Variants in ZNF783 observed in about 807,000 individuals in gnomAD.
ZNF783 encodes protein ZNF783.
In ZNF783, 25 loss-of-function variants were observed where a neutral mutation model predicts 31.3. The ratio of observed to expected loss-of-function variants is 0.80; its 90% CI spans 0.58 to 1.11. The LOEUF is 1.11. ZNF783 is among the 50% of genes most tolerant of loss of function. The pLI, the probability that ZNF783 is intolerant of heterozygous loss-of-function variation, is 0.00. For missense variants in ZNF783, 797 were observed against 760.0 expected (o/e 1.05, Z -0.57); for synonymous variants, 369 against 319.1 (o/e 1.16, Z -1.66).
In ZNF783 at chr7:149,282,935, C is replaced by T. The variant is rs1177991283; in HGVS notation, c.*592C>T. The T allele has an allele frequency of 6.6e-6, 1 of 150,404 alleles. No homozygotes were observed. The highest frequency in any genetic ancestry group is 1.9e-4 in the East Asian group (1 of 5,178). The allele number at this position is 150,404 out of a possible 1,614,324, so 9.3% of individuals were successfully genotyped here. A position where few individuals can be genotyped will look rare whatever the true frequency, so the allele number is the denominator to read the frequency against. On this transcript the variant is annotated 3_prime_UTR_variant, in exon 6 of 6. Coordinates refer to ENST00000434415, the MANE Select transcript of ZNF783 (RefSeq NM_001195220.2). The stretch of plus-strand genomic sequence containing the variant: ...CGCAGAGCTGAAAGGGGAGCTACGT[C>T]CACCAGCCTGTGGGTCTTTTGGTTT...
intron 1 of ZNF783, among the ~76,000 whole-genome samples, chr7:149,262,913 T>C (rs1366285331): frequency 6.6e-6 from 1 of 152,206 alleles, no homozygotes; most frequent in Non-Finnish European, 1.5e-5. Flanking sequence ...AAAAGATTAC[T>C]GTAGCAGATT....
intron 4 of ZNF783, among the ~76,000 whole-genome samples, chr7:149,276,019 A>G (rs972362723): frequency 6.6e-6 from 1 of 152,104 alleles, no homozygotes; most frequent in African/African-American, 2.4e-5. Context: ...CCCCCTGAGT[A>G]GCTGGAACTA....
At chr7:149,276,216 G>A (rs529878781) in intron 4 of ZNF783, 3 of 502,682 alleles carry the variant, frequency 6.0e-6, no homozygotes, top group East Asian at 1.5e-4. Context: ...AGTGGCTCAC[G>A]AACAGTCAGG....
chr7:149,283,573 G>T lies in ZNF783; in HGVS notation c.*1230G>T, dbSNP rs1200800282. The T allele has an allele frequency of 6.6e-6, 1 of 152,184 alleles. No individual in the cohort carries two copies. Among genetic ancestry groups the T allele is most frequent in the Non-Finnish European group, 1.5e-5 (1 of 68,044 alleles). The allele number at this position is 152,184 out of a possible 1,614,324, so 9.4% of individuals were successfully genotyped here. ...TCCACTAGAGGAGGCCCTTGGTCTG[G>T]CTGAGGACCACGTCCACCCTGGGCC... On this transcript the variant is annotated 3_prime_UTR_variant, in exon 6 of 6. Coordinates refer to ENST00000434415, the MANE Select transcript of ZNF783 (RefSeq NM_001195220.2).
chr7:149,268,123 G>A (rs940682999), intron 4 of ZNF783, among the ~76,000 whole-genome samples: 8 of 152,056 alleles, frequency 5.3e-5, no homozygotes, highest in Admixed American at 1.3e-4. Context: ...CCAAATGATC[G>A]TCACCAAAAC....
Position 149,282,086 on chromosome 7 carries a change from G to A in ZNF783, c.1384G>A (p.Gly462Ser). 1 of 1,596,530 alleles carries A rather than the reference G, an allele frequency of 6.3e-7. No individual in the cohort carries two copies. Among genetic ancestry groups the A allele is most frequent in the Non-Finnish European group, 8.5e-7 (1 of 1,178,800 alleles). The change falls in exon 6 of 6, where the codon GGC (glycine) becomes AGC (serine). Residue 462 changes from glycine (G) to serine (S), a missense_variant. By Grantham distance (56) the Gly-to-Ser change is moderately conservative. Coordinates refer to ENST00000434415, the MANE Select transcript of ZNF783 (RefSeq NM_001195220.2). ...GCACCAGCGCCTGCACACCGGCAAT[G>A]GCCAGGGCTGGCCCGCCTGCCCCTA... is the stretch of plus-strand genomic sequence containing the variant. ...LLHQRLHTGN[G>S]QGWPACPYCG...
intron 4 of ZNF783, among the ~76,000 whole-genome samples, chr7:149,272,595 A>G (rs370580214): frequency 1.3e-5 from 2 of 151,922 alleles, no homozygotes; most frequent in East Asian, 3.9e-4. Context: ...TTCTATTTTA[A>G]TCTCTAATTT....
At chr7:149,278,675 G>A in intron 5 of ZNF783, 148 bp downstream of exon 5, 1 of 1,350,538 alleles carries the variant, frequency 7.4e-7, no homozygotes, top group South Asian at 1.4e-5. Flanking sequence ...CAGGCTTTCT[G>A]GGAAAGAGGC....
chr7:149,281,376 C>G, intron 5 of ZNF783, 129 bp from the exon 6 acceptor site: 13 of 708,182 alleles, frequency 1.8e-5, no homozygotes, highest in Non-Finnish European at 2.7e-5. Context: ...AGCAGGACCC[C>G]TGCAATGTGC....
chr7:149,270,132 C>T (rs1198654931), intron 4 of ZNF783, among the ~76,000 whole-genome samples: 4 of 152,144 alleles, frequency 2.6e-5, no homozygotes, highest in Admixed American at 6.5e-5. Context: ...AATAAACATA[C>T]GTATGCATGT....
rs35167798 is a variant in ZNF783 at position 149,283,204 on chromosome 7, T to C, written c.*861T>C. 13,049 of 152,006 alleles carry C rather than the reference T, an allele frequency of 0.086. 600 individuals carry two copies. The highest frequency in any genetic ancestry group is 0.12 in the African/African-American group (4,882 of 41,424). 9.4% of individuals were successfully genotyped at this position (152,006 alleles called of 1,614,324 possible). Reference sequence around the variant, plus strand: ...CAGACTGGTCTCGAACTCCTGATGTTAGGTGACCCGCACACCTCGGCCTCC... The same window carrying C: ...CAGACTGGTCTCGAACTCCTGATGTCAGGTGACCCGCACACCTCGGCCTCC... On this transcript the variant is annotated 3_prime_UTR_variant, in exon 6 of 6. Transcript: ENST00000434415.
At position 149,267,037 on chromosome 7, in the gene ZNF783, C is replaced by T; in HGVS notation, c.548-60C>T. The T allele has an allele frequency of 1.9e-6, 3 of 1,609,958 alleles. No individual in the cohort carries two copies. In the South Asian group the frequency reaches 3.3e-5, roughly 18 times the overall value. ...CTTTGGCTTTTGGTACTTTGGGCAT[C>T]TCTGCATCTCTGTGGGCATGTGGGG... is the stretch of plus-strand genomic sequence containing the variant. On this transcript the variant is annotated intron_variant, in intron 3 of 5. Coordinates refer to ENST00000434415, the MANE Select transcript of ZNF783 (RefSeq NM_001195220.2).
In ZNF783 at chr7:149,266,675, A is replaced by G. The variant is rs990067076; in HGVS notation, c.365A>G (p.Asn122Ser). 1.2e-6 allele frequency: 2 copies of G among 1,614,114 alleles called. No homozygotes were observed. Among genetic ancestry groups the G allele is most frequent in the Non-Finnish European group, 1.7e-6 (2 of 1,180,020 alleles). ...RLENVENLLRNRNFWILRLPP... is the reference protein window; with the variant it reads ...RLENVENLLRSRNFWILRLPP... ...GAGAATGTGGAGAACTTGCTGCGCA[A>G]CAGGAACTTCTGGATCTTGCGGCTG... Residue 122 changes from asparagine to serine, a missense_variant, in exon 2 of 6, where the codon AAC (asparagine) becomes AGC (serine). Asn to Ser is a conservative substitution (Grantham distance 46, BLOSUM62 1). Transcript: ENST00000434415.
intron 4 of ZNF783, among the ~76,000 whole-genome samples, chr7:149,267,587 G>C (rs1007498637): frequency 6.6e-6 from 1 of 152,094 alleles, no homozygotes; most frequent in Non-Finnish European, 1.5e-5. Flanking sequence ...CATGAGGTCA[G>C]GAGATCGAGA....
rs1213288111 is a variant in ZNF783 at position 149,281,737 on chromosome 7, G to A, written c.1035G>A (p.Arg345=). 1 of 1,479,354 alleles carries A rather than the reference G, an allele frequency of 6.8e-7. No homozygotes were observed. The highest frequency in any genetic ancestry group is 2.4e-5 in the East Asian group (1 of 41,338). The allele number at this position is 1,479,354 out of a possible 1,614,324, so 91.6% of individuals were successfully genotyped here. A position where few individuals can be genotyped will look rare whatever the true frequency, so the allele number is the denominator to read the frequency against. ...GETPRVLSRR[R]QRAFPCPDCG... Reference sequence around the variant, plus strand: ...CGCCCCGAGTCCTCTCCCGCAGGCGGCAGCGGGCATTCCCCTGCCCCGACT... The same window carrying A: ...CGCCCCGAGTCCTCTCCCGCAGGCGACAGCGGGCATTCCCCTGCCCCGACT... The change falls in exon 6 of 6, where the codon CGG becomes CGA. Residue 345 remains arginine (R), a synonymous_variant. Transcript: ENST00000434415.
At chr7:149,266,763 CGAG>C (rs1797082343) in intron 2 of ZNF783, 33 bp downstream of exon 2, 1 of 1,613,246 alleles carries the variant, frequency 6.2e-7, no homozygotes, top group Non-Finnish European at 8.5e-7. Flanking sequence ...TGGGGGAGCT[CGAG>C]GGGCTGAGCC....
chr7:149,262,432 C>A, intron 1 of ZNF783, 75 bp downstream of exon 1: 1 of 1,139,122 alleles, frequency 8.8e-7, no homozygotes, highest in Non-Finnish European at 1.1e-6. Context: ...GGGACTCTGG[C>A]CGCGCGAGGC....
chr7:149,265,224 A>G (rs1005165510), intron 1 of ZNF783, among the ~76,000 whole-genome samples: 4 of 152,236 alleles, frequency 2.6e-5, no homozygotes, highest in African/African-American at 4.8e-5. Context: ...GGCTTTTAGC[A>G]GCACCAACCA....
chr7:149,274,388 C>T (rs1180687833), intron 4 of ZNF783, among the ~76,000 whole-genome samples: 6 of 145,228 alleles, frequency 4.1e-5, no homozygotes, highest in Admixed American at 7.0e-5. Flanking sequence ...TTTTTTGAGA[C>T]GGAGTCTCAC....
Sources: allele counts gnomAD v4.1 joint callset (sites outside exome capture counted in the v4.1 genomes callset), GRCh38; gene constraint gnomAD v4.1.1; transcripts MANE v1.5; gene names NCBI Gene and HGNC (gene_info 2026-07-23, HGNC 2026-07-21).